AFF3: variants seen among roughly 807,000 people sequenced by gnomAD.
AFF3 encodes AF4/FMR2 family member 3.
In AFF3, 32 loss-of-function variants were observed where a neutral mutation model predicts 129.7. That is an observed-to-expected ratio of 0.25 (90% CI 0.19 to 0.33). The LOEUF is 0.33. AFF3 is among the 10% of genes least tolerant of loss of function. The pLI, the probability that AFF3 is intolerant of heterozygous loss-of-function variation, is 1.00. For synonymous variants in AFF3, 644 were observed against 635.4 expected (o/e 1.01, Z -0.20); for missense variants, 1,373 against 1,592.0 (o/e 0.86, Z 2.34).
intron 7 of AFF3, among the ~76,000 whole-genome samples, chr2:99,897,601 C>A (rs1326800642): frequency 6.6e-6 from 1 of 152,192 alleles, no homozygotes; most frequent in African/African-American, 2.4e-5. Context: ...CTTCTTATCT[C>A]ACCTTGCAAG....
At chr2:100,070,916 A>G (rs1688133637) in intron 4 of AFF3, among the ~76,000 whole-genome samples, 1 of 152,180 alleles carries the variant, frequency 6.6e-6, no homozygotes, top group Non-Finnish European at 1.5e-5. Context: ...AACTTGCGTG[A>G]TAATTTTTAA....
chr2:99,912,173 A>G (rs1303236775), intron 7 of AFF3, among the ~76,000 whole-genome samples: 2 of 152,240 alleles, frequency 1.3e-5, no homozygotes, highest in Non-Finnish European at 2.9e-5. Context: ...TTAGCCTATA[A>G]AAGGAAGACT....
intron 2 of AFF3, among the ~76,000 whole-genome samples, chr2:100,116,850 T>G (rs923816334): frequency 6.6e-6 from 1 of 152,150 alleles, no homozygotes; most frequent in Non-Finnish European, 1.5e-5. Context: ...TGGTGAACAA[T>G]TCTCTGTTTC....
At chr2:99,786,832 C>A (rs1238856333) in intron 8 of AFF3, among the ~76,000 whole-genome samples, 1 of 152,160 alleles carries the variant, frequency 6.6e-6, no homozygotes, top group Non-Finnish European at 1.5e-5. Context: ...GCTGAATTCC[C>A]ACCACACCAT....
At chr2:99,908,588 GAA>G (rs1219883218) in intron 7 of AFF3, among the ~76,000 whole-genome samples, 5 of 151,630 alleles carry the variant, frequency 3.3e-5, no homozygotes, top group African/African-American at 1.2e-4. Context: ...CTGACAAAGG[GAA>G]TATCCAGAAC....
chr2:100,104,776 C>G, intron 3 of AFF3: 1 of 918,692 alleles, frequency 1.1e-6, no homozygotes, highest in Non-Finnish European at 1.3e-6. Context: ...CCCTCCCTCG[C>G]GGCGGCCCGG....
chr2:100,037,820 A>G (rs1685093465), intron 4 of AFF3, among the ~76,000 whole-genome samples: 1 of 139,122 alleles, frequency 7.2e-6, no homozygotes, highest in Non-Finnish European at 1.5e-5. Flanking sequence ...TAAAATATAT[A>G]AAAATTAATC....
intron 4 of AFF3, among the ~76,000 whole-genome samples, chr2:100,059,254 CAAAAAAAAAAA>C (rs59005550): frequency 1.6e-4 from 5 of 31,004 alleles, no homozygotes; most frequent in Non-Finnish European, 2.6e-4. Context: ...ACTCTGTCTC[CAAAAAAAAAAA>C]AAAAAAAAAA....
intron 12 of AFF3, among the ~76,000 whole-genome samples, chr2:99,657,750 GACAATAAAAA>G (rs1558709023): frequency 6.6e-6 from 1 of 152,114 alleles, no homozygotes; most frequent in African/African-American, 2.4e-5. Flanking sequence ...AAATTTGATA[GACAATAAAAA>G]ACATTTATTG....
intron 1 of AFF3, among the ~76,000 whole-genome samples, chr2:100,131,045 C>T (rs1692410724): frequency 6.6e-6 from 1 of 152,184 alleles, no homozygotes; most frequent in South Asian, 2.1e-4. Flanking sequence ...AGATTATAAA[C>T]ACCATACTTA....
intron 4 of AFF3, among the ~76,000 whole-genome samples, chr2:100,092,912 C>T (rs1320095614): frequency 2.6e-5 from 4 of 151,146 alleles, no homozygotes; most frequent in African/African-American, 9.8e-5. Flanking sequence ...TTCTTATTAC[C>T]AGGCTAAAAT....
intron 11 of AFF3, among the ~76,000 whole-genome samples, chr2:99,712,342 C>A (rs1206361201): frequency 9.8e-5 from 15 of 152,336 alleles, no homozygotes. Context: ...GCTCTTTCAG[C>A]CTCAGTTTCC....
At chr2:99,819,214 C>T (rs1016320050) in intron 8 of AFF3, among the ~76,000 whole-genome samples, 21 of 152,170 alleles carry the variant, frequency 1.4e-4, no homozygotes, top group African/African-American at 4.8e-4. Context: ...ATTTCCAACA[C>T]TTTTGGTTTT....
At chr2:99,647,184 TAAAGAC>T (rs1227881036) in intron 13 of AFF3, among the ~76,000 whole-genome samples, 2 of 152,208 alleles carry the variant, frequency 1.3e-5, no homozygotes, top group Non-Finnish European at 2.9e-5. Flanking sequence ...CATTCTATTA[TAAAGAC>T]ACATGCACGT....
At chr2:99,890,949 G>C (rs1240520304) in intron 7 of AFF3, among the ~76,000 whole-genome samples, 1 of 152,188 alleles carries the variant, frequency 6.6e-6, no homozygotes, top group East Asian at 1.9e-4. Context: ...TGTGTGGTGA[G>C]GCCAACAGAT....
chr2:100,023,631 T>C (rs1238196913), intron 4 of AFF3, among the ~76,000 whole-genome samples: 6 of 152,158 alleles, frequency 3.9e-5, no homozygotes, highest in African/African-American at 4.8e-5. Flanking sequence ...GATATTAACA[T>C]TGTGCCAGAA....
At chr2:99,872,160 C>T (rs538378612) in intron 7 of AFF3, among the ~76,000 whole-genome samples, 11 of 137,748 alleles carry the variant, frequency 8.0e-5, no homozygotes, top group Admixed American at 4.0e-4. Context: ...GAGCCGAGAT[C>T]GCGCCACTGC....
At chr2:100,067,120 C>T (rs1573321744) in intron 4 of AFF3, among the ~76,000 whole-genome samples, 1 of 151,284 alleles carries the variant, frequency 6.6e-6, no homozygotes, top group Non-Finnish European at 1.5e-5. Flanking sequence ...AACCATCTTA[C>T]CCATAATTCA....
intron 7 of AFF3, among the ~76,000 whole-genome samples, chr2:99,969,682 T>A (rs1449374666): frequency 6.6e-6 from 1 of 151,892 alleles, no homozygotes; most frequent in African/African-American, 2.4e-5. Flanking sequence ...GTTGTTGTTT[T>A]AGTAGAGATG....
Sources: allele counts gnomAD v4.1 joint callset (sites outside exome capture counted in the v4.1 genomes callset), GRCh38; gene constraint gnomAD v4.1.1; transcripts MANE v1.5; gene names NCBI Gene and HGNC (gene_info 2026-07-23, HGNC 2026-07-21).